API5: variants seen among roughly 807,000 people sequenced by gnomAD.
The protein encoded by API5 is FIF.
A neutral mutation model predicts 71.9 loss-of-function variants in API5; 6 were observed. That is an observed-to-expected ratio of 0.08 (90% CI 0.05 to 0.16). The LOEUF is 0.16. Among genes scored for constraint, API5 ranks in the 10% least tolerant of loss-of-function variants. API5 has a pLI of 1.00. For synonymous variants in API5, 189 were observed against 221.3 expected, an observed-to-expected ratio of 0.85 and a Z score of 1.30; for missense variants, 332 against 612.8, an observed-to-expected ratio of 0.54 and a Z score of 4.84.
chr11:43,325,208 G>C (rs554782760), intron 6 of API5, among the ~76,000 whole-genome samples: 2 of 152,204 alleles, frequency 1.3e-5, no homozygotes, highest in South Asian at 4.1e-4. Flanking sequence ...GAACTAAGAA[G>C]GGTCAGACAT....
intron 10 of API5, 135 bp downstream of exon 10, chr11:43,330,193 G>A: frequency 2.8e-6 from 2 of 718,358 alleles, no homozygotes; most frequent in Non-Finnish European, 4.5e-6. Flanking sequence ...AAATATTTTA[G>A]ATTTTTATTA....
chr11:43,340,298 A>G, intron 13 of API5: 1 of 273,150 alleles, frequency 3.7e-6, no homozygotes, highest in South Asian at 3.5e-5. Context: ...AAACAAATTG[A>G]AAGACACTCC....
intron 7 of API5, 130 bp downstream of exon 7, chr11:43,326,741 C>G (rs1205621674): frequency 1.7e-6 from 1 of 581,276 alleles, no homozygotes; most frequent in Non-Finnish European, 3.1e-6. Context: ...CAGTAATCTC[C>G]CTAGACCAGA....
intron 1 of API5, among the ~76,000 whole-genome samples, chr11:43,315,477 A>G (rs1277936972): frequency 2.0e-5 from 3 of 152,096 alleles, no homozygotes; most frequent in Non-Finnish European, 4.4e-5. Context: ...GAAGAAATGT[A>G]TTGGAAGAAG....
chr11:43,337,920 AAG>A, intron 13 of API5, among the ~76,000 whole-genome samples: 1 of 152,336 alleles, frequency 6.6e-6, no homozygotes, highest in East Asian at 1.9e-4. Context: ...CATGTGGAAA[AAG>A]AATGTGAAAA....
chr11:43,321,285 A>G (rs899229006), intron 3 of API5, 126 bp from the exon 4 acceptor site: 2 of 792,612 alleles, frequency 2.5e-6, no homozygotes, highest in African/African-American at 3.6e-5. Flanking sequence ...ACTTGAGGGA[A>G]TGGCTTAAGT....
At chr11:43,318,513 A>C in intron 1 of API5, 127 bp from the exon 2 acceptor site, 1 of 1,546,980 alleles carries the variant, frequency 6.5e-7, no homozygotes, top group South Asian at 1.2e-5. Flanking sequence ...TAAACCTCCC[A>C]AAATCAGCTT....
chr11:43,330,084 A>C (rs1253632674), intron 10 of API5, 26 bp downstream of exon 10: 1 of 1,570,262 alleles, frequency 6.4e-7, no homozygotes, highest in African/African-American at 1.4e-5. Flanking sequence ...CACATTTCAT[A>C]AACTGCTAGT....
At chr11:43,332,566 G>C (rs1361983512) in intron 11 of API5, among the ~76,000 whole-genome samples, 4 of 152,070 alleles carry the variant, frequency 2.6e-5, no homozygotes, top group Non-Finnish European at 1.5e-5. Context: ...CATAGGGAGG[G>C]GTCTTGAAGA....
rs368242827 is a variant in API5, at chr11:43,325,383, A to T, written c.751-1124A>T. 9.8e-5 allele frequency among the ~76,000 whole-genome samples: 15 copies of T among 152,356 alleles called. No homozygotes were observed. In the East Asian group the frequency reaches 2.1e-3, roughly 22 times the overall value. Reference sequence around the variant, plus strand: ...CCCCAAAGAAATCAACAGTTTACAAATGGATCACTCATTTTAAGAAGGGAC... The same window carrying T: ...CCCCAAAGAAATCAACAGTTTACAATTGGATCACTCATTTTAAGAAGGGAC... On this transcript the variant is annotated intron_variant, in intron 6 of 13. Transcript: ENST00000531273.
chr11:43,330,288 G>A, intron 10 of API5: 1 of 617,802 alleles, frequency 1.6e-6, no homozygotes, highest in Non-Finnish European at 2.8e-6. Context: ...ATTCTAACCT[G>A]TCAAGGGAAC....
chr11:43,328,299 T>TA (rs1174136273), intron 8 of API5, among the ~76,000 whole-genome samples: 1 of 152,204 alleles, frequency 6.6e-6, no homozygotes, highest in Non-Finnish European at 1.5e-5. Flanking sequence ...AATATGGACT[T>TA]ACGTTCAGAA....
intron 6 of API5, among the ~76,000 whole-genome samples, chr11:43,324,821 G>A (rs1855013987): frequency 6.6e-6 from 1 of 152,020 alleles, no homozygotes; most frequent in Non-Finnish European, 1.5e-5. Context: ...GGGATTACAG[G>A]CAAGCACCAC....
intron 1 of API5, among the ~76,000 whole-genome samples, chr11:43,312,941 T>G (rs1199927964): frequency 6.6e-6 from 1 of 151,948 alleles, no homozygotes; most frequent in Non-Finnish European, 1.5e-5. Context: ...ACCCTGTCTC[T>G]ACTAAAAATA....
intron 9 of API5, 115 bp downstream of exon 9, chr11:43,329,008 C>G: frequency 9.5e-7 from 1 of 1,049,320 alleles, no homozygotes; most frequent in South Asian, 1.6e-5. Flanking sequence ...CCCAGTGATA[C>G]AGATTGGAGG....
At position 43,312,271 on chromosome 11, in the gene API5, C is replaced by T; in HGVS notation, c.69+75C>T. The T allele has an allele frequency of 2.7e-6, 4 of 1,504,308 alleles. No homozygotes were observed. The South Asian group carries it at 3.5e-5, about 13-fold the overall frequency. 93.2% of individuals were successfully genotyped at this position (1,504,308 alleles called of 1,614,324 possible). Reference sequence around the variant, plus strand: ...TCGAAAGCGCTTCCCGCCGCACTCCCCGGGCCGAGCGGGGGCTGCGGCTTC... The same window carrying T: ...TCGAAAGCGCTTCCCGCCGCACTCCTCGGGCCGAGCGGGGGCTGCGGCTTC... On this transcript the variant is annotated intron_variant, in intron 1 of 13. Transcript: ENST00000531273.
At chr11:43,337,269 G>A (rs1191418302) in intron 13 of API5, among the ~76,000 whole-genome samples, 1 of 152,136 alleles carries the variant, frequency 6.6e-6, no homozygotes, top group Non-Finnish European at 1.5e-5. Context: ...CAAAGCTACT[G>A]TAAGCTATGA....
chr11:43,339,579 C>CATAGCCAGAGCAGGTAGATAAG (rs1855545572), intron 13 of API5, among the ~76,000 whole-genome samples: 1 of 152,126 alleles, frequency 6.6e-6, no homozygotes, highest in Non-Finnish European at 1.5e-5. Flanking sequence ...CTGTACATCA[C>CATAGCCAGAGCAGGTAGATAAG]AAGTGACTTG....
chr11:43,317,988 GT>G (rs1464881893), intron 1 of API5, among the ~76,000 whole-genome samples: 2 of 29,128 alleles, frequency 6.9e-5, no homozygotes, highest in Non-Finnish European at 7.7e-5. Context: ...CATTACAATT[GT>G]TTTGTTTGTT....
Sources: gnomAD v4.1 joint callset for allele counts (sites outside exome capture counted in the v4.1 genomes callset) on GRCh38, gnomAD v4.1.1 for gene constraint, MANE v1.5 for transcripts, NCBI Gene and HGNC (gene_info 2026-07-23, HGNC 2026-07-21) for gene names.